The following SLC24A2 variants were observed in gnomAD, a reference collection of about 807,000 sequenced individuals.
The protein encoded by SLC24A2 is solute carrier family 24 member 2, also known as sodium/potassium/calcium exchanger 2.
SLC24A2 carries 36 observed loss-of-function variants against 62.0 expected under a neutral mutation model. The observed-to-expected ratio is 0.58, with a 90% CI of 0.44 to 0.77. The LOEUF (loss-of-function observed/expected upper bound fraction) is 0.77. SLC24A2 is among the 30% of genes least tolerant of loss of function. The pLI, the probability that SLC24A2 is intolerant of heterozygous loss-of-function variation, is 0.00. For missense variants in SLC24A2, 846 were observed against 817.9 expected (o/e 1.03, Z -0.42); for synonymous variants, 358 against 294.0 (o/e 1.22, Z -2.23).
At chr9:19,623,779 T>A (rs1348819923) in intron 2 of SLC24A2, among the ~76,000 whole-genome samples, 1 of 152,212 alleles carries the variant, frequency 6.6e-6, no homozygotes, top group Admixed American at 6.5e-5. Context: ...TCAATACCAA[T>A]GTGTTTTTTT....
the SLC24A2 span, among the ~76,000 whole-genome samples, chr9:20,255,330 T>G: frequency 5.9e-5 from 9 of 152,208 alleles, no homozygotes. Context: ...CATTAAACAG[T>G]GTAGTTTCCA....
the SLC24A2 span, among the ~76,000 whole-genome samples, chr9:20,289,427 C>A: frequency 6.6e-6 from 1 of 152,160 alleles, no homozygotes; most frequent in Non-Finnish European, 1.5e-5. Context: ...ACAAGGGTTA[C>A]CGGAGTTATT....
At chr9:20,301,403 T>C in the SLC24A2 span, among the ~76,000 whole-genome samples, 2 of 152,144 alleles carry the variant, frequency 1.3e-5, no homozygotes, top group African/African-American at 2.4e-5. Flanking sequence ...ATTTTAACCA[T>C]AACCCTACCA....
At chr9:19,998,813 T>C in the SLC24A2 span, among the ~76,000 whole-genome samples, 39 of 152,252 alleles carry the variant, frequency 2.6e-4, no homozygotes, top group Admixed American at 2.6e-3. Flanking sequence ...TGATCTTTGT[T>C]GGTGGCAAGA....
At chr9:20,301,534 G>A in the SLC24A2 span, among the ~76,000 whole-genome samples, 5 of 150,556 alleles carry the variant, frequency 3.3e-5, no homozygotes, top group Admixed American at 3.3e-4. Context: ...TGGGGGAAAT[G>A]CTCAGGGTAT....
At chr9:20,215,273 G>T in the SLC24A2 span, among the ~76,000 whole-genome samples, 1 of 152,098 alleles carries the variant, frequency 6.6e-6, no homozygotes, top group Admixed American at 6.5e-5. Context: ...CACGCCAAAG[G>T]TCTCACATTC....
the SLC24A2 span, among the ~76,000 whole-genome samples, chr9:20,189,288 G>C: frequency 8.5e-5 from 13 of 152,234 alleles, no homozygotes; most frequent in South Asian, 2.7e-3. Flanking sequence ...TTAAGAGCCA[G>C]AGTTTCCAGA....
At chr9:20,280,747 T>C in the SLC24A2 span, among the ~76,000 whole-genome samples, 1 of 152,100 alleles carries the variant, frequency 6.6e-6, no homozygotes, top group African/African-American at 2.4e-5. Flanking sequence ...AGGTGAAGGA[T>C]CTCAAGATGA....
the SLC24A2 span, among the ~76,000 whole-genome samples, chr9:19,947,208 G>A: frequency 6.6e-6 from 1 of 152,162 alleles, no homozygotes; most frequent in African/African-American, 2.4e-5. Flanking sequence ...TAAAACAAAT[G>A]GATTGGCTGT....
intron 9 of SLC24A2, among the ~76,000 whole-genome samples, chr9:19,521,889 G>A (rs1216559107): frequency 1.4e-5 from 2 of 147,630 alleles, no homozygotes; most frequent in African/African-American, 5.0e-5. Context: ...TTTTTTTTTG[G>A]TCTTTTTCTT....
rs971524295 is a variant in SLC24A2 at position 19,520,366 on chromosome 9, A to G, written c.1736+528T>C. ...GAGCTCATGTTTGCTTCATTATAAG[A>G]ACAGGTCTCACCTTCTGGCTTTCAA... On this transcript the variant is annotated intron_variant, in intron 10 of 10. Coordinates refer to ENST00000341998, the MANE Select transcript of SLC24A2 (RefSeq NM_020344.4). 3.3e-5 allele frequency among the ~76,000 whole-genome samples: 5 copies of G among 152,224 alleles called. No individual in the cohort carries two copies. In the East Asian group the frequency reaches 9.6e-4, roughly 29 times the overall value.
chr9:20,019,155 A>AAGAAAGAAAGAAAGAAAGAAAG, the SLC24A2 span, among the ~76,000 whole-genome samples: 4 of 117,088 alleles, frequency 3.4e-5, no homozygotes, highest in Non-Finnish European at 5.5e-5. Flanking sequence ...GAAAGAAAGA[A>AAGAAAGAAAGAAAGAAAGAAAG]AGAGAGAGAG....
At chr9:19,925,233 G>C in the SLC24A2 span, among the ~76,000 whole-genome samples, 5 of 152,282 alleles carry the variant, frequency 3.3e-5, no homozygotes, top group South Asian at 1.0e-3. Flanking sequence ...AAGATATATA[G>C]ATTTATAGTG....
chr9:20,160,094 C>T, the SLC24A2 span, among the ~76,000 whole-genome samples: 1 of 151,142 alleles, frequency 6.6e-6, no homozygotes, highest in African/African-American at 2.4e-5. Flanking sequence ...AAAGAAGTGG[C>T]CAATGACTTA....
chr9:19,710,708 C>G (rs187759556), intron 2 of SLC24A2, among the ~76,000 whole-genome samples: 22 of 152,174 alleles, frequency 1.4e-4, no homozygotes, highest in Admixed American at 3.9e-4. Flanking sequence ...TTCACTTCAT[C>G]CAAAAGGCTG....
At chr9:19,572,535 T>G (rs1221009439) in intron 7 of SLC24A2, among the ~76,000 whole-genome samples, 2 of 152,164 alleles carry the variant, frequency 1.3e-5, no homozygotes, top group African/African-American at 4.8e-5. Flanking sequence ...CCTCTTTTTC[T>G]TTCCTGCTCT....
intron 7 of SLC24A2, among the ~76,000 whole-genome samples, chr9:19,559,350 C>G (rs1007372230): frequency 2.8e-4 from 43 of 152,148 alleles, no homozygotes; most frequent in African/African-American, 1.0e-3. Context: ...TCAATAATTT[C>G]TTATTCTCTC....
chr9:20,234,372 C>T, the SLC24A2 span, among the ~76,000 whole-genome samples: 15,592 of 151,982 alleles, frequency 0.1, 2,172 homozygotes, highest in East Asian at 0.62. Flanking sequence ...ACCAGTCAGA[C>T]GTAGATTTGG....
chr9:19,890,794 T>C, the SLC24A2 span, among the ~76,000 whole-genome samples: 14,020 of 152,152 alleles, frequency 0.092, 734 homozygotes, highest in East Asian at 0.25. Flanking sequence ...TACAGGCACG[T>C]ACCATCCCAT....
Sources: gnomAD v4.1 joint callset for allele counts (sites outside exome capture counted in the v4.1 genomes callset) on GRCh38, gnomAD v4.1.1 for gene constraint, MANE v1.5 for transcripts, NCBI Gene and HGNC (gene_info 2026-07-23, HGNC 2026-07-21) for gene names.